The following PAICS variants were observed in gnomAD, a reference collection of about 807,000 sequenced individuals.
The protein encoded by PAICS is phosphoribosylaminoimidazole carboxylase and phosphoribosylaminoimidazolesuccinocarboxamide synthase.
Under a neutral mutation model 53.7 loss-of-function variants are expected in PAICS, and 33 were observed. That is an observed-to-expected ratio of 0.61 (90% CI 0.47 to 0.82). PAICS has a LOEUF of 0.82. Ranked by LOEUF, PAICS falls within the 40% of genes least tolerant of loss-of-function variation. The pLI, the probability that PAICS is intolerant of heterozygous loss-of-function variation, is 0.00. For missense variants in PAICS, 394 were observed against 494.1 expected (o/e 0.80, Z 1.92); for synonymous variants, 141 against 167.2 (o/e 0.84, Z 1.21).
chr4:56,451,325 C>A (rs1718907299), intron 6 of PAICS: 1 of 152,590 alleles, frequency 6.6e-6, no homozygotes, highest in Admixed American at 6.5e-5. Flanking sequence ...GTTCCATTAG[C>A]ATGGGATGGA....
At chr4:56,410,899 T>TAAAAAAA in the PAICS span, 66 of 678,536 alleles carry the variant, frequency 9.7e-5, 1 homozygote, top group East Asian at 1.0e-3. Flanking sequence ...CCACTGAAGG[T>TAAAAAAA]AAAAAAAAAA....
upstream of PAICS, chr4:56,436,201 G>T (rs1180623584): frequency 3.5e-5 from 53 of 1,526,518 alleles, no homozygotes; most frequent in Middle Eastern, 4.5e-4. Flanking sequence ...GTGGCGCAGG[G>T]TCGCGCGGCC....
chr4:56,426,631 T>A, the PAICS span, among the ~76,000 whole-genome samples: 4 of 152,196 alleles, frequency 2.6e-5, no homozygotes, highest in African/African-American at 9.7e-5. Flanking sequence ...CTGAATAATA[T>A]TCCAATTTAC....
At chr4:56,449,887 A>G (rs2110091206) in intron 5 of PAICS, among the ~76,000 whole-genome samples, 1 of 151,638 alleles carries the variant, frequency 6.6e-6, no homozygotes, top group African/African-American at 2.4e-5. Flanking sequence ...GAGGCAGAGA[A>G]TTGTTTGAAC....
upstream of PAICS, chr4:56,435,289 G>A: frequency 1.2e-6 from 2 of 1,604,202 alleles, no homozygotes; most frequent in Non-Finnish European, 1.7e-6. Flanking sequence ...AACGCCGACT[G>A]CGGGAAGCGG....
At chr4:56,437,361 A>C (rs1161150215) in intron 1 of PAICS, among the ~76,000 whole-genome samples, 7 of 151,794 alleles carry the variant, frequency 4.6e-5, no homozygotes. Flanking sequence ...TAGGCAAAAA[A>C]GTTGCACTAT....
chr4:56,429,495 T>C, the PAICS span, among the ~76,000 whole-genome samples: 2 of 152,194 alleles, frequency 1.3e-5, no homozygotes, highest in South Asian at 2.1e-4. Flanking sequence ...GAAAAGATAA[T>C]ATAATGCAAT....
At position 56,459,387 on chromosome 4, in the gene PAICS, C is replaced by A. The variant is rs1578164051; in HGVS notation, c.1127C>A (p.Thr376Asn). 6.3e-7 allele frequency: 1 copy of A among 1,593,084 alleles called. No individual in the cohort carries two copies. Residue 376 changes from threonine (T) to asparagine (N), a missense_variant, in exon 9 of 9, where the codon ACC (threonine) becomes AAC (asparagine). Physicochemically the swap from Thr to Asn is moderately conservative, Grantham distance 65. Coordinates refer to ENST00000512576, the MANE Select transcript of PAICS (RefSeq NM_001079524.2). ...LRLPSGLGCSTVLSPEGSAQF... is the reference protein window; with the variant it reads ...LRLPSGLGCSNVLSPEGSAQF... Reference sequence around the variant, plus strand: ...GAACCAATAGGTCTTGGCTGTTCAACCGTACTTTCTCCAGAAGGATCAGCT... The same window carrying A: ...GAACCAATAGGTCTTGGCTGTTCAAACGTACTTTCTCCAGAAGGATCAGCT...
Position 56,459,629 on chromosome 4 carries a change from A to G in PAICS, c.*91A>G. The G allele has an allele frequency of 1.1e-6, 1 of 935,082 alleles. No individual in the cohort carries two copies. Among genetic ancestry groups the G allele is most frequent in the Middle Eastern group, 3.5e-4 (1 of 2,818 alleles). The allele number at this position is 935,082 out of a possible 1,614,324, so 57.9% of individuals were successfully genotyped here. The stretch of plus-strand genomic sequence containing the variant: ...AAGCAAGATGAAAAGGTAATTTTAA[A>G]TTAGAGAACACAAATAAAATGTATT... On this transcript the variant is annotated 3_prime_UTR_variant, in exon 9 of 9. Coordinates refer to ENST00000512576, the MANE Select transcript of PAICS (RefSeq NM_001079524.2).
At chr4:56,450,758 T>C in intron 6 of PAICS, 56 bp downstream of exon 6, 2 of 887,260 alleles carry the variant, frequency 2.3e-6, no homozygotes, top group Non-Finnish European at 3.6e-6. Flanking sequence ...TAAGAAAATC[T>C]TGTTTCAAAA....
upstream of PAICS, chr4:56,435,271 C>T: frequency 6.3e-6 from 10 of 1,589,984 alleles, no homozygotes; most frequent in Admixed American, 3.4e-5. Flanking sequence ...CCCTCGGGCG[C>T]TCATGAGAAC....
chr4:56,447,310 T>C (rs1374085261), intron 3 of PAICS, among the ~76,000 whole-genome samples: 5 of 152,184 alleles, frequency 3.3e-5, no homozygotes, highest in Non-Finnish European at 7.4e-5. Context: ...CTGTTAAGCA[T>C]AGATCTGCTT....
rs747622592 is a variant in PAICS at position 56,436,328 on chromosome 4, GGTGA to G, written c.16+3_16+6del. 3 of 1,599,132 alleles carry G rather than the reference GGTGA, an allele frequency of 1.9e-6. No homozygotes were observed. The highest frequency in any genetic ancestry group is 2.6e-6 in the Non-Finnish European group (3 of 1,171,702). On this transcript the variant is annotated splice_donor_variant and splice_donor_region_variant and intron_variant, in intron 1 of 8. Coordinates refer to ENST00000512576, the MANE Select transcript of PAICS (RefSeq NM_001079524.2). LOFTEE classifies it high-confidence loss of function. ...ACTTAGGATAATGGCGACAGCTGAG[GGTGA>G]GTAACAGGGATCCGGGCCCTTCACG...
chr4:56,456,824 G>A (rs933578907), intron 8 of PAICS, among the ~76,000 whole-genome samples: 1 of 144,288 alleles, frequency 6.9e-6, no homozygotes, highest in African/African-American at 2.6e-5. Context: ...GCTCTTTTTT[G>A]TTCTCTGGAG....
chr4:56,438,371 TTATATATATATATATATATA>T (rs61681463), intron 1 of PAICS, among the ~76,000 whole-genome samples: 15 of 113,632 alleles, frequency 1.3e-4, no homozygotes, highest in Non-Finnish European at 1.4e-4. Context: ...TGCAATGTGT[TTATATATATATATATATATA>T]TATATATATA....
At position 56,456,925 on chromosome 4, in the gene PAICS, AC is replaced by A. The variant is rs577066584; in HGVS notation, c.1112-2446del. On this transcript the variant is annotated intron_variant, in intron 8 of 8. Transcript: ENST00000512576. ...TTTTAAGAGTGGAATACTATAAAAA[AC>A]AATTGGAAACTTCAAGTGGGTGGTC... 4.7e-4 allele frequency among the ~76,000 whole-genome samples: 72 copies of A among 152,220 alleles called. 1 individual carries two copies. The highest frequency in any genetic ancestry group is 4.1e-3 in the Admixed American group (62 of 15,292).
Position 56,450,034 on chromosome 4 carries a change from AG to A in PAICS, c.688-584del, listed in dbSNP as rs1718826198. ...ATGTCCTTTGCAGGGAAATGGATTCAGCTAGAAGCCATCATCCTCAGCAAAC... is the reference window on the plus strand; with the variant it reads ...ATGTCCTTTGCAGGGAAATGGATTCACTAGAAGCCATCATCCTCAGCAAAC... On this transcript the variant is annotated intron_variant, in intron 5 of 8. Coordinates refer to ENST00000512576, the MANE Select transcript of PAICS (RefSeq NM_001079524.2). Among the ~76,000 whole-genome samples the A allele has an allele frequency of 2.6e-5, 4 of 152,150 alleles. 1 individual carries two copies. In the South Asian group the frequency reaches 8.3e-4, roughly 32 times the overall value.
intron 2 of PAICS, among the ~76,000 whole-genome samples, chr4:56,445,637 G>C (rs917379025): frequency 2.6e-5 from 4 of 151,980 alleles, no homozygotes; most frequent in African/African-American, 7.2e-5. Context: ...AGTTAAATGA[G>C]ACAACATATA....
chr4:56,459,449 T>G lies in PAICS; in HGVS notation c.1189T>G (p.Leu397Val). Reference protein sequence around the residue: ...AAQIFGLSNHLVWSKLRASIL... With the variant: ...AAQIFGLSNHVVWSKLRASIL... ...TCAGATATTTGGGTTAAGCAACCAT[T>G]TGGTATGGAGCAAACTGCGAGCAAG... is the stretch of plus-strand genomic sequence containing the variant. Residue 397 changes from leucine (L) to valine (V), a missense_variant, in exon 9 of 9, where the codon TTG becomes GTG. By Grantham distance (32) the Leu-to-Val change is conservative. Transcript: ENST00000512576. 6.2e-7 allele frequency: 1 copy of G among 1,609,148 alleles called. No homozygotes were observed. The highest frequency in any genetic ancestry group is 8.5e-7 in the Non-Finnish European group (1 of 1,176,280).
Sources: gnomAD v4.1 joint callset for allele counts (sites outside exome capture counted in the v4.1 genomes callset) on GRCh38, gnomAD v4.1.1 for gene constraint, MANE v1.5 for transcripts, NCBI Gene and HGNC (gene_info 2026-07-23, HGNC 2026-07-21) for gene names.